The following FGD4 variants were observed in gnomAD, a reference collection of about 807,000 sequenced individuals.
FGD4 encodes the protein FYVE, RhoGEF and PH domain containing 4.
FGD4 carries 42 observed loss-of-function variants against 102.0 expected under a neutral mutation model. The observed-to-expected ratio is 0.41, with a 90% CI of 0.32 to 0.53. FGD4 has a LOEUF of 0.53. Among genes scored for constraint, FGD4 ranks in the 20% least tolerant of loss-of-function variants. The pLI, the probability that FGD4 is intolerant of heterozygous loss-of-function variation, is 0.21. For missense variants in FGD4, 902 were observed against 1,078.2 expected, an observed-to-expected ratio of 0.84 and a Z score of 2.29; for synonymous variants, 380 against 375.7, an observed-to-expected ratio of 1.01 and a Z score of -0.13.
chr12:32,576,221 G>A (rs759320695), intron 2 of FGD4, 45 bp from the exon 3 acceptor site: 66 of 1,538,698 alleles, frequency 4.3e-5, no homozygotes, highest in Admixed American at 5.9e-5. Flanking sequence ...TATTGTTATT[G>A]AACAAAATAT....
chr12:32,512,913 G>A (rs1939534557), intron 1 of FGD4, among the ~76,000 whole-genome samples: 1 of 152,184 alleles, frequency 6.6e-6, no homozygotes, highest in African/African-American at 2.4e-5. Flanking sequence ...AAAATTTCTA[G>A]TGGAGAATAG....
chr12:32,620,201 C>T (rs1026145323), intron 11 of FGD4, among the ~76,000 whole-genome samples: 45 of 152,222 alleles, frequency 3.0e-4, no homozygotes, highest in East Asian at 1.9e-4. Flanking sequence ...CCTATGTTCA[C>T]TCCTCCTTTT....
chr12:32,577,397 G>A (rs1256213268), intron 3 of FGD4, among the ~76,000 whole-genome samples: 1 of 152,092 alleles, frequency 6.6e-6, no homozygotes, highest in Non-Finnish European at 1.5e-5. Context: ...TTATTTATTT[G>A]TCGGATTTAC....
intron 1 of FGD4, among the ~76,000 whole-genome samples, chr12:32,404,817 A>T (rs1940853737): frequency 6.6e-6 from 1 of 152,218 alleles, no homozygotes; most frequent in African/African-American, 2.4e-5. Flanking sequence ...GATGGTGTGC[A>T]TGTGCATGAA....
At chr12:32,471,587 TAAA>T (rs1463065478) in intron 1 of FGD4, among the ~76,000 whole-genome samples, 1 of 152,228 alleles carries the variant, frequency 6.6e-6, no homozygotes, top group Admixed American at 6.5e-5. Flanking sequence ...TGCAGTGTAA[TAAA>T]CTACTCTAAA....
In FGD4 at chr12:32,544,507, G is replaced by T. The variant is rs1943081967; in HGVS notation, c.167-19630G>T. Reference sequence around the variant, plus strand: ...GCACTCTGGGAGGCTGAGGCAGGTGGATCACTTTGAACTCAGTCGTTTGAG... The same window carrying T: ...GCACTCTGGGAGGCTGAGGCAGGTGTATCACTTTGAACTCAGTCGTTTGAG... On this transcript the variant is annotated intron_variant, in intron 1 of 16. Coordinates refer to ENST00000534526, the MANE Select transcript of FGD4 (RefSeq NM_001370298.3). This position sits in a 1 kb window ranked among gnomAD's most constrained non-coding sequence, Gnocchi z 4.1. Among the ~76,000 whole-genome samples, 1 of 151,946 alleles carries T rather than the reference G, an allele frequency of 6.6e-6. No individual in the cohort carries two copies. The highest frequency in any genetic ancestry group is 2.1e-4 in the South Asian group (1 of 4,824).
At chr12:32,532,954 A>G (rs575725369) in intron 1 of FGD4, among the ~76,000 whole-genome samples, 1 of 152,286 alleles carries the variant, frequency 6.6e-6, no homozygotes, top group Admixed American at 6.5e-5. Flanking sequence ...ATGATTGACA[A>G]CCTTTGTGTC....
At chr12:32,426,520 A>C (rs1328782152) in intron 1 of FGD4, among the ~76,000 whole-genome samples, 1 of 152,022 alleles carries the variant, frequency 6.6e-6, no homozygotes, top group Non-Finnish European at 1.5e-5. Context: ...TTGGCCTGAA[A>C]TTTTCTTTTT....
intron 13 of FGD4, 104 bp downstream of exon 13, chr12:32,625,172 A>G: frequency 1.1e-6 from 1 of 951,862 alleles, no homozygotes; most frequent in Non-Finnish European, 1.7e-6. Context: ...TTACAATGTC[A>G]GAACTGGCTG....
chr12:32,458,065 T>C (rs139451778), intron 1 of FGD4, among the ~76,000 whole-genome samples: 23 of 152,226 alleles, frequency 1.5e-4, no homozygotes, highest in Admixed American at 8.5e-4. Flanking sequence ...GAATTCAAAG[T>C]GAAATAACAG....
chr12:32,603,664 C>T (rs1447774374), intron 7 of FGD4, among the ~76,000 whole-genome samples: 2 of 151,872 alleles, frequency 1.3e-5, no homozygotes, highest in African/African-American at 4.8e-5. Flanking sequence ...GGATTATAGG[C>T]GTGAGCCACC....
At chr12:32,636,402 G>A (rs989414046) in intron 15 of FGD4, among the ~76,000 whole-genome samples, 5 of 151,976 alleles carry the variant, frequency 3.3e-5, no homozygotes, top group Admixed American at 1.3e-4. Context: ...GCCTGGTGGC[G>A]TGTGCCTGTA....
At chr12:32,480,689 C>CA (rs1943729392) in intron 1 of FGD4, among the ~76,000 whole-genome samples, 2 of 151,496 alleles carry the variant, frequency 1.3e-5, no homozygotes, top group Non-Finnish European at 2.9e-5. Flanking sequence ...TTAGTAGAGA[C>CA]GGGGTTTCAC....
intron 1 of FGD4, among the ~76,000 whole-genome samples, chr12:32,498,695 C>T (rs1307653042): frequency 6.6e-6 from 1 of 152,138 alleles, no homozygotes; most frequent in Non-Finnish European, 1.5e-5. Context: ...CCACTGCCTC[C>T]TGGGTTCAAG....
At chr12:32,466,617 T>C (rs1943257887) in intron 1 of FGD4, among the ~76,000 whole-genome samples, 1 of 152,034 alleles carries the variant, frequency 6.6e-6, no homozygotes, top group South Asian at 2.1e-4. Flanking sequence ...GCTGAAATTC[T>C]AGCACTTTGG....
rs577331537 is a variant in FGD4, at chr12:32,546,115, T to C, written c.167-18022T>C. Among the ~76,000 whole-genome samples the C allele has an allele frequency of 3.3e-5, 5 of 152,392 alleles. No individual in the cohort carries two copies. In the East Asian group the frequency reaches 5.8e-4, roughly 18 times the overall value. Reference sequence around the variant, plus strand: ...GGATCTAAGATCTTTGTTGTACTTATGTGTGGCCAGTAGACTCTTTAGCAA... The same window carrying C: ...GGATCTAAGATCTTTGTTGTACTTACGTGTGGCCAGTAGACTCTTTAGCAA... On this transcript the variant is annotated intron_variant, in intron 1 of 16. Coordinates refer to ENST00000534526, the MANE Select transcript of FGD4 (RefSeq NM_001370298.3).
intron 1 of FGD4, among the ~76,000 whole-genome samples, chr12:32,476,328 A>C (rs1943583638): frequency 6.6e-6 from 1 of 152,200 alleles, no homozygotes; most frequent in Non-Finnish European, 1.5e-5. Context: ...AATGGCTTAA[A>C]AACAAGTATT....
chr12:32,486,210 A>G, intron 1 of FGD4: 3 of 1,456,392 alleles, frequency 2.1e-6, no homozygotes, highest in South Asian at 2.5e-5. Flanking sequence ...TTTTTTCACT[A>G]TGCAAAGTAT....
In FGD4 at chr12:32,536,303, T is replaced by G. The variant is rs1314334724; in HGVS notation, c.167-27834T>G. Among the ~76,000 whole-genome samples, 78 of 152,214 alleles carry G rather than the reference T, an allele frequency of 5.1e-4. 2 individuals carry two copies. Among genetic ancestry groups the G allele is most frequent in the Admixed American group, 5.1e-3 (78 of 15,282 alleles). ...TGCAAACTAGGATTAAGATTTAAAT[T>G]TAATCAGTTCTTCTTAGATACTAGA... On this transcript the variant is annotated intron_variant, in intron 1 of 16. Coordinates refer to ENST00000534526, the MANE Select transcript of FGD4 (RefSeq NM_001370298.3).
Sources: gnomAD v4.1 joint callset for allele counts (sites outside exome capture counted in the v4.1 genomes callset) on GRCh38, gnomAD v4.1.1 for gene constraint, Gnocchi (gnomAD v3.1) non-coding constraint, MANE v1.5 for transcripts, NCBI Gene and HGNC (gene_info 2026-07-23, HGNC 2026-07-21) for gene names.